Variants in L3MBTL4 observed in about 807,000 individuals in gnomAD.
L3MBTL4 encodes lethal(3)malignant brain tumor-like protein 4.
L3MBTL4 carries 70 observed loss-of-function variants against 84.5 expected under a neutral mutation model. That is an observed-to-expected ratio of 0.83 (90% confidence interval 0.68 to 1.01). L3MBTL4 has a LOEUF of 1.01. L3MBTL4 is among the 50% of genes least tolerant of loss of function. The pLI, the probability that L3MBTL4 is intolerant of heterozygous loss-of-function variation, is 0.00. For missense variants in L3MBTL4, 715 were observed against 754.8 expected (o/e 0.95, Z 0.62); for synonymous variants, 274 against 259.8 (o/e 1.05, Z -0.52).
At chr18:6,326,754 G>C (rs1474102125) in intron 1 of L3MBTL4, 4 of 152,174 alleles carry the variant, frequency 2.6e-5, no homozygotes, top group Non-Finnish European at 5.9e-5. Context: ...TAGAATGGTT[G>C]CCGAGGTCTG....
chr18:5,967,963 G>A (rs775712631), intron 17 of L3MBTL4, among the ~76,000 whole-genome samples: 1 of 152,234 alleles, frequency 6.6e-6, no homozygotes, highest in African/African-American at 2.4e-5. Context: ...CGTTCCTCAC[G>A]ATCTGGACTC....
intron 16 of L3MBTL4, among the ~76,000 whole-genome samples, chr18:6,020,192 T>C (rs916508008): frequency 6.6e-6 from 1 of 151,918 alleles, no homozygotes; most frequent in African/African-American, 2.4e-5. Context: ...TTTCATATTG[T>C]AGGGAAGGAT....
intron 13 of L3MBTL4, among the ~76,000 whole-genome samples, chr18:6,170,783 G>C (rs1423307268): frequency 6.6e-6 from 1 of 152,122 alleles, no homozygotes; most frequent in Non-Finnish European, 1.5e-5. Context: ...TGACATGCTG[G>C]GGTGTGAAAC....
At chr18:6,323,677 C>G (rs2051549184) in intron 1 of L3MBTL4, among the ~76,000 whole-genome samples, 1 of 151,888 alleles carries the variant, frequency 6.6e-6, no homozygotes, top group South Asian at 2.1e-4. Flanking sequence ...CATATAACAG[C>G]CTATGCTCAT....
chr18:5,983,643 T>G (rs1380710448), intron 16 of L3MBTL4, among the ~76,000 whole-genome samples: 1 of 152,142 alleles, frequency 6.6e-6, no homozygotes, highest in Admixed American at 6.5e-5. Flanking sequence ...CTGCAGAGCC[T>G]CTAATAAGCC....
chr18:6,120,353 T>C (rs2059487084), intron 14 of L3MBTL4, among the ~76,000 whole-genome samples: 1 of 152,162 alleles, frequency 6.6e-6, no homozygotes, highest in South Asian at 2.1e-4. Flanking sequence ...GAAGACAGGA[T>C]GCCACCTCCC....
chr18:6,192,386 G>C (rs1020438280), intron 12 of L3MBTL4, among the ~76,000 whole-genome samples: 2 of 152,114 alleles, frequency 1.3e-5, no homozygotes, highest in Non-Finnish European at 2.9e-5. Context: ...TGTAGATAAG[G>C]GGGTGCTTCA....
intron 16 of L3MBTL4, among the ~76,000 whole-genome samples, chr18:6,064,914 C>A (rs1230339652): frequency 1.3e-5 from 2 of 151,978 alleles, no homozygotes; most frequent in African/African-American, 4.8e-5. Context: ...AAGTGGGCAT[C>A]CTTGTCTTGT....
rs112384464 is a variant in L3MBTL4, at chr18:6,078,303, T to C, written c.1444+2578A>G. 3.5e-4 allele frequency among the ~76,000 whole-genome samples: 52 copies of C among 150,686 alleles called. 2 individuals carry two copies. The highest frequency in any genetic ancestry group is 1.3e-3 in the African/African-American group (52 of 41,068). Reference sequence around the variant, plus strand: ...TTAGCCGGATGTGGCGGTGTGAGCCTGTAATCCCAGTTACTTGAGAGGCTG... The same window carrying C: ...TTAGCCGGATGTGGCGGTGTGAGCCCGTAATCCCAGTTACTTGAGAGGCTG... On this transcript the variant is annotated intron_variant, in intron 16 of 18. Coordinates refer to ENST00000317931, the MANE Select transcript of L3MBTL4 (RefSeq NM_001330559.2).
intron 1 of L3MBTL4, among the ~76,000 whole-genome samples, chr18:6,319,075 G>A (rs1046216446): frequency 2.6e-5 from 4 of 152,092 alleles, no homozygotes; most frequent in Non-Finnish European, 5.9e-5. Flanking sequence ...AAAATTCTTT[G>A]ACATGAGTGA....
chr18:6,113,480 A>T (rs1371129524), intron 14 of L3MBTL4, among the ~76,000 whole-genome samples: 1 of 151,166 alleles, frequency 6.6e-6, no homozygotes, highest in African/African-American at 2.4e-5. Flanking sequence ...AAAAAAAAAA[A>T]AAAGCAAATA....
intron 16 of L3MBTL4, among the ~76,000 whole-genome samples, chr18:6,039,254 C>G (rs528608228): frequency 1.3e-5 from 2 of 152,152 alleles, no homozygotes; most frequent in East Asian, 3.9e-4. Context: ...TCTTGGCAGC[C>G]TGAGCTGACT....
chr18:6,030,008 A>G (rs2055707984), intron 16 of L3MBTL4: 3 of 985,360 alleles, frequency 3.0e-6, no homozygotes, highest in African/African-American at 1.7e-5. Context: ...CCAGATGGCC[A>G]TGGGCAGGGA....
intron 16 of L3MBTL4, among the ~76,000 whole-genome samples, chr18:6,026,301 G>T (rs2055502593): frequency 1.3e-5 from 2 of 152,162 alleles, no homozygotes; most frequent in South Asian, 4.1e-4. Context: ...TTCAAGTGGG[G>T]TTATTTTCCT....
intron 13 of L3MBTL4, among the ~76,000 whole-genome samples, chr18:6,170,398 G>T (rs1029862280): frequency 6.6e-6 from 1 of 152,184 alleles, no homozygotes. Flanking sequence ...GTATAATTAA[G>T]AAAGAACCAG....
intron 13 of L3MBTL4, among the ~76,000 whole-genome samples, chr18:6,160,731 CAA>C (rs560903489): frequency 3.3e-4 from 16 of 48,482 alleles, no homozygotes; most frequent in African/African-American, 4.7e-4. Flanking sequence ...AGATCCGTCT[CAA>C]AAAAAAAAAA....
chr18:6,132,501 C>T (rs576189799), intron 14 of L3MBTL4, among the ~76,000 whole-genome samples: 5 of 152,340 alleles, frequency 3.3e-5, no homozygotes, highest in African/African-American at 1.2e-4. Flanking sequence ...GACAGGATCG[C>T]TTCTCAGGCC....
intron 17 of L3MBTL4, among the ~76,000 whole-genome samples, chr18:5,963,616 A>G (rs890160027): frequency 1.2e-4 from 19 of 152,266 alleles, no homozygotes; most frequent in African/African-American, 4.3e-4. Flanking sequence ...AAAAAGTTCC[A>G]TGAACTGTAT....
At chr18:6,074,076 G>GTT (rs200600301) in intron 16 of L3MBTL4, among the ~76,000 whole-genome samples, 2 of 151,952 alleles carry the variant, frequency 1.3e-5, no homozygotes, top group African/African-American at 2.4e-5. Context: ...TGTTTGTTTT[G>GTT]TTTTTTTGTT....
Sources: allele counts gnomAD v4.1 joint callset (sites outside exome capture counted in the v4.1 genomes callset), GRCh38; gene constraint gnomAD v4.1.1; transcripts MANE v1.5; gene names NCBI Gene and HGNC (gene_info 2026-07-23, HGNC 2026-07-21).